Variants in RAD51B observed in about 807,000 individuals in gnomAD.
RAD51B encodes the protein DNA repair protein RAD51 homolog 2.
A neutral mutation model predicts 42.2 loss-of-function variants in RAD51B; 38 were observed. The observed-to-expected ratio is 0.90, with a 90% CI of 0.70 to 1.18. RAD51B has a LOEUF of 1.18. Ranked by LOEUF, RAD51B falls within the 50% of genes most tolerant of loss-of-function variation. The pLI is 0.00. For synonymous variants in RAD51B, 154 were observed against 145.2 expected (o/e 1.06, Z -0.43); for missense variants, 373 against 400.7 (o/e 0.93, Z 0.59).
chr14:67,905,826 G>A (rs1044985353), intron 7 of RAD51B, among the ~76,000 whole-genome samples: 1 of 152,026 alleles, frequency 6.6e-6, no homozygotes, highest in Non-Finnish European at 1.5e-5. Context: ...GAGATTATAA[G>A]GCTTTCTAGG....
chr14:68,198,968 G>T (rs996085479), intron 7 of RAD51B, among the ~76,000 whole-genome samples: 1 of 152,150 alleles, frequency 6.6e-6, no homozygotes, highest in African/African-American at 2.4e-5. Flanking sequence ...TCTGCCTGTT[G>T]TCTGCCCTTT....
At chr14:68,198,524 G>T (rs191773868) in intron 7 of RAD51B, among the ~76,000 whole-genome samples, 1 of 152,068 alleles carries the variant, frequency 6.6e-6, no homozygotes, top group Non-Finnish European at 1.5e-5. Flanking sequence ...TTGAACTCAG[G>T]GTGAATTGAC....
At chr14:68,367,797 G>A (rs933982745) in intron 8 of RAD51B, among the ~76,000 whole-genome samples, 1 of 152,222 alleles carries the variant, frequency 6.6e-6, no homozygotes, top group African/African-American at 2.4e-5. Flanking sequence ...GTTCTGTTGG[G>A]TCCTGAGGAA....
chr14:67,922,784 C>T (rs985520184), intron 7 of RAD51B, among the ~76,000 whole-genome samples: 5 of 151,740 alleles, frequency 3.3e-5, no homozygotes, highest in Non-Finnish European at 5.9e-5. Context: ...CTCCACCTCC[C>T]GGGTTCAAGC....
At chr14:68,020,364 GCCT>G (rs1446344628) in intron 7 of RAD51B, among the ~76,000 whole-genome samples, 1 of 152,092 alleles carries the variant, frequency 6.6e-6, no homozygotes, top group African/African-American at 2.4e-5. Context: ...GCCCATCTCA[GCCT>G]CCCAGAATGC....
At chr14:68,126,432 CGTT>C (rs1448586449) in intron 7 of RAD51B, among the ~76,000 whole-genome samples, 14 of 152,152 alleles carry the variant, frequency 9.2e-5, no homozygotes, top group African/African-American at 3.4e-4. Context: ...AGTCCTAAGT[CGTT>C]GTCAGCAAAG....
chr14:68,138,374 A>T (rs1940120556), intron 7 of RAD51B, among the ~76,000 whole-genome samples: 1 of 152,232 alleles, frequency 6.6e-6, no homozygotes, highest in Non-Finnish European at 1.5e-5. Flanking sequence ...TAATAAAACA[A>T]CATCTTTTAA....
chr14:67,943,969 C>G (rs984829488), intron 7 of RAD51B, among the ~76,000 whole-genome samples: 2 of 152,032 alleles, frequency 1.3e-5, no homozygotes, highest in Non-Finnish European at 2.9e-5. Flanking sequence ...GTGACGGATT[C>G]TGAATTTGCT....
intron 9 of RAD51B, among the ~76,000 whole-genome samples, chr14:68,427,103 C>A (rs2084869680): frequency 6.6e-6 from 1 of 152,196 alleles, no homozygotes; most frequent in South Asian, 2.1e-4. Flanking sequence ...AGCTCTTAGG[C>A]CATGGTAGCC....
At chr14:68,102,546 C>T (rs2140556194) in intron 7 of RAD51B, among the ~76,000 whole-genome samples, 1 of 152,276 alleles carries the variant, frequency 6.6e-6, no homozygotes, top group East Asian at 1.9e-4. Flanking sequence ...ACCACCTCTA[C>T]CTGGACTTCA....
At chr14:68,455,277 A>G (rs967866515) in intron 9 of RAD51B, among the ~76,000 whole-genome samples, 1 of 152,236 alleles carries the variant, frequency 6.6e-6, no homozygotes, top group African/African-American at 2.4e-5. Context: ...ATCCAGCAAT[A>G]TTATCCTTCA....
intron 7 of RAD51B, among the ~76,000 whole-genome samples, chr14:68,055,810 T>C (rs2076464593): frequency 6.6e-6 from 1 of 152,204 alleles, no homozygotes; most frequent in Non-Finnish European, 1.5e-5. Context: ...ATGCTGGCTC[T>C]ACACAGTGAG....
At chr14:68,461,336 GAA>G (rs60250666) in intron 9 of RAD51B, among the ~76,000 whole-genome samples, 30,555 of 126,472 alleles carry the variant, frequency 0.24, 3,701 homozygotes, top group East Asian at 0.47. Flanking sequence ...TCCATGCAGG[GAA>G]AAAAAAAAAA....
chr14:68,017,280 C>G (rs1291430326), intron 7 of RAD51B, among the ~76,000 whole-genome samples: 9 of 152,086 alleles, frequency 5.9e-5, no homozygotes, highest in Non-Finnish European at 7.4e-5. Flanking sequence ...ACTGCATCCT[C>G]CACCTCCTAG....
At chr14:68,379,842 G>A (rs1476001264) in intron 8 of RAD51B, among the ~76,000 whole-genome samples, 1 of 152,244 alleles carries the variant, frequency 6.6e-6, no homozygotes, top group Non-Finnish European at 1.5e-5. Flanking sequence ...TCCCATGGGT[G>A]TGGTGAAGTT....
In RAD51B at chr14:68,506,419, C is replaced by T. The variant is rs538293479; in HGVS notation, c.1036+38169C>T. Among the ~76,000 whole-genome samples, 18 of 152,350 alleles carry T rather than the reference C, an allele frequency of 1.2e-4. No homozygotes were observed. The South Asian group carries it at 1.4e-3, about 12-fold the overall frequency. ...TACAAAACGTGGTGGAAACCTCTCA[C>T]GACCTCCTCTCTGTTGCATGAACGC... On this transcript the variant is annotated intron_variant, in intron 10 of 10. Transcript: ENST00000487270.
intron 7 of RAD51B, among the ~76,000 whole-genome samples, chr14:68,199,366 T>A (rs528266887): frequency 7.6e-4 from 116 of 152,356 alleles, no homozygotes; most frequent in African/African-American, 2.7e-3. Context: ...CTAAAACCCC[T>A]AGATCTTTTT....
intron 10 of RAD51B, among the ~76,000 whole-genome samples, chr14:68,622,346 T>G (rs1891967723): frequency 6.6e-6 from 1 of 152,122 alleles, no homozygotes; most frequent in Non-Finnish European, 1.5e-5. Flanking sequence ...TCAGGATTGG[T>G]GCTGATTCAT....
intron 7 of RAD51B, chr14:68,130,323 A>T (rs1183410605): frequency 6.6e-6 from 1 of 152,202 alleles, no homozygotes; most frequent in Non-Finnish European, 1.5e-5. Context: ...TATATACATC[A>T]GCCTCTGTGA....
Sources: allele counts gnomAD v4.1 joint callset (sites outside exome capture counted in the v4.1 genomes callset), GRCh38; gene constraint gnomAD v4.1.1; transcripts MANE v1.5; gene names NCBI Gene and HGNC (gene_info 2026-07-23, HGNC 2026-07-21).